Variants in DNAJC7 observed in about 807,000 individuals in gnomAD.
The protein encoded by DNAJC7 is DnaJ heat shock protein family (Hsp40) member C7.
A neutral mutation model predicts 67.4 loss-of-function variants in DNAJC7; 18 were observed. That is an observed-to-expected ratio of 0.27 (90% confidence interval 0.18 to 0.40). The LOEUF (loss-of-function observed/expected upper bound fraction) is 0.40, where lower values mean the gene tolerates loss of function less well. Among genes scored for constraint, DNAJC7 ranks in the 10% least tolerant of loss-of-function variants. The pLI is 1.00. For missense variants in DNAJC7, 419 were observed against 613.8 expected (o/e 0.68, Z 3.35); for synonymous variants, 220 against 207.8 (o/e 1.06, Z -0.50).
intron 3 of DNAJC7, among the ~76,000 whole-genome samples, chr17:41,996,705 G>A (rs1489302896): frequency 6.6e-6 from 1 of 152,162 alleles, no homozygotes; most frequent in Non-Finnish European, 1.5e-5. Flanking sequence ...TACTCTGGAG[G>A]CTGAGGCAGG....
chr17:42,006,796 CAAAAAAAAAAA>C (rs57155070), intron 1 of DNAJC7, among the ~76,000 whole-genome samples: 29 of 23,336 alleles, frequency 1.2e-3, no homozygotes, highest in African/African-American at 5.8e-3. Flanking sequence ...GACTCCGTCT[CAAAAAAAAAAA>C]AAAAAAAAAA....
At chr17:42,017,132 C>T in intron 1 of DNAJC7, 1 of 1,473,676 alleles carries the variant, frequency 6.8e-7, no homozygotes, top group Non-Finnish European at 8.9e-7. Flanking sequence ...CATGCCTCAG[C>T]TCCTACGCCA....
chr17:41,990,153 G>T, intron 6 of DNAJC7, 111 bp downstream of exon 6: 2 of 1,037,886 alleles, frequency 1.9e-6, no homozygotes, highest in Non-Finnish European at 1.4e-6. Flanking sequence ...AAGAGGGTCT[G>T]ATCAGCCCTA....
At chr17:41,976,942 G>A (rs2051099813) in intron 13 of DNAJC7, 172 bp from the exon 14 acceptor site, 1 of 736,788 alleles carries the variant, frequency 1.4e-6, no homozygotes, top group Non-Finnish European at 2.2e-6. Flanking sequence ...GCACGTGACT[G>A]TATTATACAT....
At chr17:42,009,717 C>T (rs2052066546) in intron 1 of DNAJC7, among the ~76,000 whole-genome samples, 1 of 152,190 alleles carries the variant, frequency 6.6e-6, no homozygotes, top group Non-Finnish European at 1.5e-5. Flanking sequence ...TCAGCATTAG[C>T]CAGAGGCTTG....
rs1418600511 is a variant in DNAJC7 at position 41,981,886 on chromosome 17, C to T, written c.1353G>A (p.Gln451=). 18 of 1,613,878 alleles carry T rather than the reference C, an allele frequency of 1.1e-5. No individual in the cohort carries two copies. In the East Asian group the frequency reaches 3.8e-4, roughly 34 times the overall value. ...PKKKTRYDSG[Q]DLDEEGMNMG... is the part of the protein sequence containing the mutation. ...TATTCATGCCCTCCTCATCTAGGTC[C>T]TGTCCACTGTCATAGCGAGTCTTTT... is the stretch of plus-strand genomic sequence containing the variant. The change falls in exon 12 of 14, where the codon CAG becomes CAA. Residue 451 remains glutamine (Q), a synonymous_variant. Coordinates refer to ENST00000457167, the MANE Select transcript of DNAJC7 (RefSeq NM_003315.4).
chr17:42,004,217 A>G (rs1189039811), intron 1 of DNAJC7, among the ~76,000 whole-genome samples: 5 of 152,128 alleles, frequency 3.3e-5, no homozygotes, highest in African/African-American at 1.2e-4. Flanking sequence ...GACCTCTCAA[A>G]GTGCTAGTAG....
chr17:42,011,753 G>A (rs1020202251), intron 1 of DNAJC7: 1 of 152,148 alleles, frequency 6.6e-6, no homozygotes, highest in Non-Finnish European at 1.5e-5. Flanking sequence ...ACTTCAAGAG[G>A]AAGATTAGAA....
At chr17:42,017,215 T>C in intron 1 of DNAJC7, 125 bp downstream of exon 1, 6 of 1,591,556 alleles carry the variant, frequency 3.8e-6, no homozygotes, top group Non-Finnish European at 4.3e-6. Flanking sequence ...TGATCTCAGA[T>C]GGGGGGGTGT....
chr17:41,995,053 C>T (rs1053232727), intron 4 of DNAJC7, 109 bp from the exon 5 acceptor site: 35 of 915,972 alleles, frequency 3.8e-5, no homozygotes, highest in Non-Finnish European at 6.2e-5. Context: ...ATATACCACA[C>T]TGCCTCTTTT....
chr17:42,008,738 A>T (rs2052040865), intron 1 of DNAJC7, among the ~76,000 whole-genome samples: 4 of 148,494 alleles, frequency 2.7e-5, no homozygotes, highest in Non-Finnish European at 5.9e-5. Flanking sequence ...ACAGACTCTC[A>T]CTCTTGTTGC....
intron 9 of DNAJC7, chr17:41,985,101 T>A (rs1351784864): frequency 2.0e-5 from 3 of 152,424 alleles, no homozygotes; most frequent in Non-Finnish European, 4.4e-5. Flanking sequence ...AGTGCTGGGA[T>A]TATAGGCGTG....
chr17:42,008,330 TCTA>T (rs2052024980), intron 1 of DNAJC7, among the ~76,000 whole-genome samples: 1 of 150,572 alleles, frequency 6.6e-6, no homozygotes, highest in South Asian at 2.1e-4. Flanking sequence ...AAAAAAAAAA[TCTA>T]CTATTCTACA....
chr17:41,990,411 T>G, intron 5 of DNAJC7, 29 bp from the exon 6 acceptor site: 1 of 1,553,428 alleles, frequency 6.4e-7, no homozygotes. Context: ...CAAATAAGGC[T>G]CTTCATCAGG....
At chr17:41,998,089 C>T (rs1221246811) in intron 2 of DNAJC7, among the ~76,000 whole-genome samples, 1 of 152,032 alleles carries the variant, frequency 6.6e-6, no homozygotes, top group Non-Finnish European at 1.5e-5. Context: ...TCTTGAACTC[C>T]TGGCCTCAAG....
chr17:41,983,778 G>C, intron 9 of DNAJC7, 142 bp from the exon 10 acceptor site: 1 of 620,702 alleles, frequency 1.6e-6, no homozygotes, highest in East Asian at 3.0e-5. Context: ...CCTTAATCTA[G>C]CAGTGAGAGA....
At chr17:42,014,668 CACA>C (rs1405315593) in intron 1 of DNAJC7, 1 of 150,018 alleles carries the variant, frequency 6.7e-6, no homozygotes, top group Non-Finnish European at 1.5e-5. Context: ...CTCCCCTCAC[CACA>C]ACCTCTGCCT....
rs1465002507 is a variant in DNAJC7, at chr17:41,987,298, A to G, written c.1010+521T>C. The G allele has an allele frequency of 3.3e-5, 5 of 152,390 alleles. No individual in the cohort carries two copies. The East Asian group carries it at 7.7e-4, about 24-fold the overall frequency. 9.4% of individuals were successfully genotyped at this position (152,390 alleles called of 1,614,324 possible). On this transcript the variant is annotated intron_variant, in intron 9 of 13. Transcript: ENST00000457167. Reference sequence around the variant, plus strand: ...AGCCATCCAGGGTGTTTCAAAAGGAAGTTCCTTTATCCTGGGAGGCTGAGC... The same window carrying G: ...AGCCATCCAGGGTGTTTCAAAAGGAGGTTCCTTTATCCTGGGAGGCTGAGC...
intron 3 of DNAJC7, among the ~76,000 whole-genome samples, chr17:41,996,702 G>A (rs1555648699): frequency 6.6e-6 from 1 of 152,188 alleles, no homozygotes; most frequent in Non-Finnish European, 1.5e-5. Context: ...AGCTACTCTG[G>A]AGGCTGAGGC....
Sources: gnomAD v4.1 joint callset for allele counts (sites outside exome capture counted in the v4.1 genomes callset) on GRCh38, gnomAD v4.1.1 for gene constraint, MANE v1.5 for transcripts, NCBI Gene and HGNC (gene_info 2026-07-23, HGNC 2026-07-21) for gene names.